EPB41: variants seen among roughly 807,000 people sequenced by gnomAD.
EPB41 encodes the protein protein 4.1.
Under a neutral mutation model 108.0 loss-of-function variants are expected in EPB41, and 65 were observed. The observed-to-expected ratio is 0.60, with a 90% CI of 0.49 to 0.74. The LOEUF (loss-of-function observed/expected upper bound fraction) is 0.74. Ranked by LOEUF, EPB41 falls within the 30% of genes least tolerant of loss-of-function variation. The probability of loss-of-function intolerance (pLI) is 0.00; values close to 1 mark genes in which losing one functional copy is unlikely to be tolerated. For missense variants in EPB41, 875 were observed against 1,037.0 expected (o/e 0.84, Z 2.15); for synonymous variants, 336 against 358.9 (o/e 0.94, Z 0.72).
intron 1 of EPB41, among the ~76,000 whole-genome samples, chr1:28,974,127 C>A (rs1039649784): frequency 3.9e-5 from 6 of 152,102 alleles, no homozygotes; most frequent in African/African-American, 1.4e-4. Flanking sequence ...CAGATTTTTT[C>A]TCTCTAAAAT....
Position 28,899,554 on chromosome 1 carries a change from T to C in EPB41, c.-8+12344T>C, listed in dbSNP as rs2091060731. ...AGAGAGTAGGAAGGGCCCCATGCCA[T>C]CCAGGCTTAGGCTGGGGGGAAAGTG... On this transcript the variant is annotated intron_variant, in intron 1 of 16. Coordinates refer to the EPB41 transcript ENST00000347529. 5.3e-5 allele frequency among the ~76,000 whole-genome samples: 8 copies of C among 152,228 alleles called. No homozygotes were observed. In the South Asian group the frequency reaches 1.7e-3, roughly 32 times the overall value.
At chr1:28,928,798 AG>A (rs2093588962) in intron 1 of EPB41, among the ~76,000 whole-genome samples, 3 of 152,174 alleles carry the variant, frequency 2.0e-5, no homozygotes, top group African/African-American at 7.2e-5. Context: ...TAAATGTTAA[AG>A]GGGGTGTCCT....
intron 1 of EPB41, among the ~76,000 whole-genome samples, chr1:28,967,345 A>ATG (rs2095384250): frequency 6.6e-6 from 1 of 152,110 alleles, no homozygotes; most frequent in Non-Finnish European, 1.5e-5. Context: ...CTTCAGGAAA[A>ATG]TGTGTTTGGT....
At chr1:29,035,606 T>G (rs1639146912) in intron 9 of EPB41, among the ~76,000 whole-genome samples, 1 of 151,862 alleles carries the variant, frequency 6.6e-6, no homozygotes, top group Non-Finnish European at 1.5e-5. Context: ...TTAAATTATA[T>G]GAGATGCATT....
chr1:28,916,162 G>A (rs1016058664), intron 1 of EPB41, among the ~76,000 whole-genome samples: 4 of 152,116 alleles, frequency 2.6e-5, no homozygotes, highest in South Asian at 2.1e-4. Context: ...GCTATCTGGC[G>A]TACAGTAAGC....
chr1:28,920,002 A>T (rs535551188), intron 1 of EPB41, among the ~76,000 whole-genome samples: 1 of 151,930 alleles, frequency 6.6e-6, no homozygotes, highest in Non-Finnish European at 1.5e-5. Flanking sequence ...TAGGCCCTCA[A>T]CTCTCAGGGT....
chr1:28,892,093 C>CAAAAAAAAA (rs748788169), intron 1 of EPB41, among the ~76,000 whole-genome samples: 19 of 69,770 alleles, frequency 2.7e-4, no homozygotes, highest in South Asian at 6.4e-4. Flanking sequence ...GACTGCATCT[C>CAAAAAAAAA]AAAAAAAAAA....
intron 16 of EPB41, among the ~76,000 whole-genome samples, chr1:29,083,414 T>G (rs909842939): frequency 6.6e-6 from 1 of 152,218 alleles, no homozygotes; most frequent in Non-Finnish European, 1.5e-5. Context: ...ACAAAACTAT[T>G]ATTTACAAGC....
At chr1:28,899,820 A>G (rs1437454683) in intron 1 of EPB41, among the ~76,000 whole-genome samples, 1 of 152,180 alleles carries the variant, frequency 6.6e-6, no homozygotes, top group African/African-American at 2.4e-5. Context: ...AGAGGTTTCT[A>G]CTAATACTAC....
chr1:28,887,698 C>G lies in EPB41; in HGVS notation c.-8+488C>G. 1 of 985,174 alleles carries G rather than the reference C, an allele frequency of 1.0e-6. No homozygotes were observed. The allele number at this position is 985,174 out of a possible 1,614,324, so 61.0% of individuals were successfully genotyped here. On this transcript the variant is annotated intron_variant, in intron 1 of 16. Coordinates refer to the EPB41 transcript ENST00000347529. The surrounding 1 kb of genome is among the most constrained non-coding windows in gnomAD (Gnocchi z 4.9). Reference sequence around the variant, plus strand: ...GCCCCGCGCCCCGCTCCGGCCCTTACGTAACTGACTTTGAGTTTCCGGACC... The same window carrying G: ...GCCCCGCGCCCCGCTCCGGCCCTTAGGTAACTGACTTTGAGTTTCCGGACC...
chr1:28,967,699 G>C (rs926539114), intron 1 of EPB41, among the ~76,000 whole-genome samples: 2 of 151,890 alleles, frequency 1.3e-5, no homozygotes, highest in African/African-American at 4.8e-5. Context: ...TCCACCTCCT[G>C]GGCTTAAATG....
chr1:28,951,361 TACACAC>T (rs58546363), intron 1 of EPB41, among the ~76,000 whole-genome samples: 42,291 of 142,874 alleles, frequency 0.3, 7,326 homozygotes, highest in African/African-American at 0.49. Context: ...CCCTGTGTCT[TACACAC>T]ACACACACAC....
intron 7 of EPB41, among the ~76,000 whole-genome samples, chr1:29,030,005 C>CT (rs1300980305): frequency 2.6e-5 from 4 of 152,120 alleles, no homozygotes; most frequent in Non-Finnish European, 5.9e-5. Context: ...ACCATGCCCT[C>CT]TGAGGATTTA....
chr1:28,947,926 A>G (rs2094546497), intron 1 of EPB41, among the ~76,000 whole-genome samples: 1 of 152,044 alleles, frequency 6.6e-6, no homozygotes, highest in South Asian at 2.1e-4. Context: ...TCTTTCAGTT[A>G]TGTTAGTCTA....
At chr1:29,055,899 C>T (rs1250889700) in intron 12 of EPB41, among the ~76,000 whole-genome samples, 1 of 123,606 alleles carries the variant, frequency 8.1e-6, no homozygotes, top group Non-Finnish European at 1.6e-5. Context: ...CTGCACGCCA[C>T]GCCAGCCTGG....
At chr1:28,992,850 A>T (rs1401876219) in intron 2 of EPB41, among the ~76,000 whole-genome samples, 1 of 152,204 alleles carries the variant, frequency 6.6e-6, no homozygotes, top group Non-Finnish European at 1.5e-5. Context: ...TTTTTAGCCT[A>T]CTACATGTTT....
At chr1:29,033,058 C>T (rs373150313) in intron 8 of EPB41, 35 bp from the exon 9 acceptor site, 66 of 1,608,938 alleles carry the variant, frequency 4.1e-5, no homozygotes, top group Non-Finnish European at 5.4e-5. Flanking sequence ...GAGTACTTTG[C>T]TCCAGACTGA....
intron 1 of EPB41, among the ~76,000 whole-genome samples, chr1:28,920,051 T>C (rs1036637311): frequency 6.6e-6 from 1 of 152,078 alleles, no homozygotes; most frequent in African/African-American, 2.4e-5. Flanking sequence ...TTCTAAGCTA[T>C]GTGGAATAGA....
chr1:29,016,170 T>TTTG (rs2096575198), intron 6 of EPB41, among the ~76,000 whole-genome samples: 1 of 152,088 alleles, frequency 6.6e-6, no homozygotes, highest in Non-Finnish European at 1.5e-5. Flanking sequence ...GTTCCTTCTT[T>TTTG]TTGTTGTTGT....
Sources: gnomAD v4.1 joint callset for allele counts (sites outside exome capture counted in the v4.1 genomes callset) on GRCh38, gnomAD v4.1.1 for gene constraint, Gnocchi (gnomAD v3.1) non-coding constraint, MANE v1.5 for transcripts, NCBI Gene and HGNC (gene_info 2026-07-23, HGNC 2026-07-21) for gene names.